Variants in CSRNP3 observed in about 807,000 individuals in gnomAD.
CSRNP3 encodes the protein cysteine/serine-rich nuclear protein 3.
CSRNP3 carries 12 observed loss-of-function variants against 48.0 expected under a neutral mutation model. The ratio of observed to expected loss-of-function variants is 0.25; its 90% CI spans 0.16 to 0.41. The LOEUF is 0.41. Ranked by LOEUF, CSRNP3 falls within the 10% of genes least tolerant of loss-of-function variation. The pLI is 1.00. For synonymous variants in CSRNP3, 263 were observed against 269.7 expected (o/e 0.98, Z 0.24); for missense variants, 580 against 724.4 (o/e 0.80, Z 2.29).
In CSRNP3 at chr2:165,678,784, T is replaced by C; in HGVS notation, c.789T>C (p.Arg263=). 1.2e-6 allele frequency: 2 copies of C among 1,614,124 alleles called. No individual in the cohort carries two copies. The highest frequency in any genetic ancestry group is 1.3e-5 in the African/African-American group (1 of 75,056). ...TAGRIEFNPI[R]VRTHFLHTIM... is the part of the protein sequence containing the mutation. ...GTAGAATTGAATTTAATCCTATCCGTGTTCGGACTCACTTTTTGCACACAA... is the reference window on the plus strand; with the variant it reads ...GTAGAATTGAATTTAATCCTATCCGCGTTCGGACTCACTTTTTGCACACAA... The change falls in exon 7 of 7, where the codon CGT becomes CGC. Residue 263 remains arginine, a synonymous_variant. Transcript: ENST00000651982.
intron 2 of CSRNP3, among the ~76,000 whole-genome samples, chr2:165,512,900 T>C (rs1477958205): frequency 6.6e-6 from 1 of 152,188 alleles, no homozygotes; most frequent in Non-Finnish European, 1.5e-5. Flanking sequence ...GTCAGGAGAT[T>C]GAGACAATCC....
At position 165,493,274 on chromosome 2, in the gene CSRNP3, G is replaced by A. The variant is rs373764322; in HGVS notation, c.-282-1485G>A. ...CCAGAAAGTTATAGATAGGACCACC[G>A]TGCTGGTATTTGATGGCTTAAGATG... is the stretch of plus-strand genomic sequence containing the variant. On this transcript the variant is annotated intron_variant, in intron 1 of 6. Transcript: ENST00000651982. 2.0e-5 allele frequency among the ~76,000 whole-genome samples: 3 copies of A among 151,928 alleles called. No individual in the cohort carries two copies. In the East Asian group the frequency reaches 5.8e-4, roughly 29 times the overall value.
chr2:165,546,913 C>T (rs1322671266), intron 3 of CSRNP3, among the ~76,000 whole-genome samples: 1 of 152,158 alleles, frequency 6.6e-6, no homozygotes, highest in Non-Finnish European at 1.5e-5. Flanking sequence ...AAATCAATTT[C>T]AGCTATGTTC....
intron 5 of CSRNP3, among the ~76,000 whole-genome samples, chr2:165,672,458 TATGAAACCATCAGGTCTC>T (rs1464241186): frequency 2.0e-5 from 3 of 152,180 alleles, no homozygotes; most frequent in Non-Finnish European, 2.9e-5. Context: ...GGTTTCCCCT[TATGAAACCATCAGGTCTC>T]ATGAGACTTA....
intron 4 of CSRNP3, among the ~76,000 whole-genome samples, chr2:165,612,601 A>G (rs1686157775): frequency 6.6e-6 from 1 of 151,952 alleles, no homozygotes; most frequent in South Asian, 2.1e-4. Context: ...CCAGCCTCTA[A>G]TAATCACAGT....
chr2:165,517,873 G>GA lies in CSRNP3; in HGVS notation c.-106dup, dbSNP rs1684601733. 1 of 152,074 alleles carries GA rather than the reference G, an allele frequency of 6.6e-6. No individual in the cohort carries two copies. Among genetic ancestry groups the GA allele is most frequent in the Admixed American group, 6.6e-5 (1 of 15,236 alleles). 9.4% of individuals were successfully genotyped at this position (152,074 alleles called of 1,614,324 possible). A position where few individuals can be genotyped will look rare whatever the true frequency, so the allele number is the denominator to read the frequency against. Reference sequence around the variant, plus strand: ...TCTGAAACGTATTTTCTTTTTTAAGGAAAAAATGAGGAAATATCAACAGAC... The same window carrying GA: ...TCTGAAACGTATTTTCTTTTTTAAGGAAAAAAATGAGGAAATATCAACAGAC... On this transcript the variant is annotated splice_region_variant and 5_prime_UTR_variant, in exon 3 of 7. The change creates a new upstream start codon in the 5' untranslated region. Coordinates refer to ENST00000651982, the MANE Select transcript of CSRNP3 (RefSeq NM_001172173.2).
At chr2:165,574,412 T>A (rs1685416483) in intron 3 of CSRNP3, 2 of 1,549,946 alleles carry the variant, frequency 1.3e-6, no homozygotes, top group Non-Finnish European at 1.7e-6. Context: ...TGTGCCGTAG[T>A]CGTTATATAG....
Position 165,665,775 on chromosome 2 carries a change from AAGAGAG to A in CSRNP3, c.408+7777_408+7782del, listed in dbSNP as rs10645178. On this transcript the variant is annotated intron_variant, in intron 5 of 6. Transcript: ENST00000651982. ...GAGTGAGATTCTGGGAAAAGAAAGA[AAGAGAG>A]AGAGAGAGAGAGAGAGAGAGAAAGA... Among the ~76,000 whole-genome samples the A allele has an allele frequency of 1.4e-3, 183 of 131,288 alleles. 1 individual carries two copies. In the South Asian group the frequency reaches 0.015, roughly 11 times the overall value. 86.1% of individuals were successfully genotyped at this position (131,288 alleles called of 152,430 possible). A position where few individuals can be genotyped will look rare whatever the true frequency, so the allele number is the denominator to read the frequency against.
chr2:165,481,022 C>T (rs1684034476), intron 1 of CSRNP3, among the ~76,000 whole-genome samples: 1 of 151,286 alleles, frequency 6.6e-6, no homozygotes, highest in Admixed American at 6.6e-5. Context: ...AAAGGAAATG[C>T]TAATTATACT....
At chr2:165,511,972 T>C (rs1326836259) in intron 2 of CSRNP3, among the ~76,000 whole-genome samples, 1 of 151,858 alleles carries the variant, frequency 6.6e-6, no homozygotes, top group African/African-American at 2.4e-5. Flanking sequence ...GCCTTGGAGG[T>C]GAGTGTATGT....
chr2:165,570,235 C>T (rs1029298487), intron 3 of CSRNP3, among the ~76,000 whole-genome samples: 4 of 151,966 alleles, frequency 2.6e-5, no homozygotes, highest in Admixed American at 1.3e-4. Flanking sequence ...GTGATTCATT[C>T]TATCTCTTTC....
chr2:165,499,149 G>T (rs542491155), intron 2 of CSRNP3, among the ~76,000 whole-genome samples: 3 of 152,032 alleles, frequency 2.0e-5, no homozygotes, highest in Non-Finnish European at 2.9e-5. Context: ...AACAAATTTA[G>T]GTAATTAAAA....
At chr2:165,549,785 A>G (rs538091333) in intron 3 of CSRNP3, among the ~76,000 whole-genome samples, 1 of 152,250 alleles carries the variant, frequency 6.6e-6, no homozygotes, top group East Asian at 1.9e-4. Flanking sequence ...GATTCATTGT[A>G]TGGCAGCCTA....
chr2:165,556,445 G>A lies in CSRNP3; in HGVS notation c.-24+38484G>A, dbSNP rs188790920. ...CAAAAAAATAAAAGTCAAACCCTGA[G>A]AATGGATTAGATTGCCAAGGCAAAC... On this transcript the variant is annotated intron_variant, in intron 3 of 6. Coordinates refer to ENST00000651982, the MANE Select transcript of CSRNP3 (RefSeq NM_001172173.2). 9.3e-3 allele frequency among the ~76,000 whole-genome samples: 1,417 copies of A among 152,226 alleles called. 15 individuals are homozygous for A. The highest frequency in any genetic ancestry group is 0.028 in the South Asian group (134 of 4,822).
chr2:165,627,914 T>C (rs1167110429), intron 4 of CSRNP3, among the ~76,000 whole-genome samples: 2 of 152,200 alleles, frequency 1.3e-5, no homozygotes, highest in African/African-American at 4.8e-5. Context: ...CTTGAACCCA[T>C]TCTTCAGTAG....
chr2:165,597,910 C>G (rs1176191812), intron 4 of CSRNP3, among the ~76,000 whole-genome samples: 1 of 151,960 alleles, frequency 6.6e-6, no homozygotes, highest in Non-Finnish European at 1.5e-5. Flanking sequence ...ACTCATTTCT[C>G]CAATAAAAAA....
At chr2:165,516,468 A>G (rs1684584041) in intron 2 of CSRNP3, among the ~76,000 whole-genome samples, 1 of 152,132 alleles carries the variant, frequency 6.6e-6, no homozygotes, top group Non-Finnish European at 1.5e-5. Flanking sequence ...GTACACTCTC[A>G]CCACAAAAAT....
chr2:165,523,940 T>A (rs1287140077), intron 3 of CSRNP3, among the ~76,000 whole-genome samples: 2 of 152,208 alleles, frequency 1.3e-5, no homozygotes, highest in African/African-American at 4.8e-5. Flanking sequence ...ATGACTTTGT[T>A]AATGACATAG....
At chr2:165,574,643 T>C (rs1345488555) in intron 3 of CSRNP3, among the ~76,000 whole-genome samples, 1 of 152,322 alleles carries the variant, frequency 6.6e-6, no homozygotes, top group South Asian at 2.1e-4. Context: ...GAGAAAAAAC[T>C]GGGTTTAGGC....
Sources: gnomAD v4.1 joint callset for allele counts (sites outside exome capture counted in the v4.1 genomes callset) on GRCh38, gnomAD v4.1.1 for gene constraint, MANE v1.5 for transcripts, NCBI Gene and HGNC (gene_info 2026-07-23, HGNC 2026-07-21) for gene names.